GMEB1: variants seen among roughly 807,000 people sequenced by gnomAD.
GMEB1 encodes glucocorticoid modulatory element-binding protein 1.
Under a neutral mutation model 52.4 loss-of-function variants are expected in GMEB1, and 6 were observed. The observed-to-expected ratio is 0.11, with a 90% CI of 0.06 to 0.23. The LOEUF is 0.23. Among genes scored for constraint, GMEB1 ranks in the 10% least tolerant of loss-of-function variants. The probability of loss-of-function intolerance (pLI) is 1.00; values close to 1 mark genes in which losing one functional copy is unlikely to be tolerated. For missense variants in GMEB1, 486 were observed against 685.6 expected (o/e 0.71, Z 3.25); for synonymous variants, 255 against 244.9 (o/e 1.04, Z -0.38).
intron 1 of GMEB1, among the ~76,000 whole-genome samples, chr1:28,674,932 G>C (rs1163192448): frequency 4.9e-5 from 7 of 143,102 alleles, no homozygotes; most frequent in Non-Finnish European, 9.1e-5. Context: ...TTTTAGCCGG[G>C]ATGGTCTCGA....
intron 1 of GMEB1, among the ~76,000 whole-genome samples, chr1:28,669,061 G>A (rs1668747440): frequency 6.8e-6 from 1 of 146,718 alleles, no homozygotes; most frequent in Admixed American, 6.8e-5. Flanking sequence ...GCTGCCGCTG[G>A]GTCCGCCCGA....
At chr1:28,695,461 A>G (rs1670157139) in intron 5 of GMEB1, among the ~76,000 whole-genome samples, 1 of 150,476 alleles carries the variant, frequency 6.6e-6, no homozygotes, top group Non-Finnish European at 1.5e-5. Context: ...CAAACTCCCA[A>G]GCTTAGGTGA....
intron 1 of GMEB1, among the ~76,000 whole-genome samples, chr1:28,680,947 G>A (rs1302325674): frequency 1.3e-5 from 2 of 152,088 alleles, no homozygotes; most frequent in Non-Finnish European, 2.9e-5. Flanking sequence ...TGGAGGCTGA[G>A]GTGGGAGAAT....
At chr1:28,672,158 A>G (rs1668914775) in intron 1 of GMEB1, among the ~76,000 whole-genome samples, 1 of 151,070 alleles carries the variant, frequency 6.6e-6, no homozygotes, top group Non-Finnish European at 1.5e-5. Context: ...AATTTCAGAA[A>G]ATCTCGTACT....
At chr1:28,694,183 T>C (rs1670092111) in intron 5 of GMEB1, among the ~76,000 whole-genome samples, 1 of 151,748 alleles carries the variant, frequency 6.6e-6, no homozygotes, top group Admixed American at 6.6e-5. Flanking sequence ...GGTCTGTGTG[T>C]TGTAGGATTT....
chr1:28,670,389 G>A (rs1668830158), intron 1 of GMEB1, among the ~76,000 whole-genome samples: 2 of 151,894 alleles, frequency 1.3e-5, no homozygotes, highest in South Asian at 2.1e-4. Context: ...GTGCAATGGC[G>A]CGATCTCAGC....
rs538777712 is a variant in GMEB1 at position 28,684,344 on chromosome 1, A to G, written c.128+604A>G. On this transcript the variant is annotated intron_variant, in intron 2 of 9. Coordinates refer to ENST00000373816, the MANE Select transcript of GMEB1 (RefSeq NM_001319674.2). Reference sequence around the variant, plus strand: ...TTTGGGAGGCCGAGGCGCGTGGATCATGAGGTCAGGAGATCAAGACCATCC... The same window carrying G: ...TTTGGGAGGCCGAGGCGCGTGGATCGTGAGGTCAGGAGATCAAGACCATCC... Among the ~76,000 whole-genome samples, 63 of 152,128 alleles carry G rather than the reference A, an allele frequency of 4.1e-4. No individual in the cohort carries two copies. In the South Asian group the frequency reaches 0.012, roughly 30 times the overall value.
Position 28,687,366 on chromosome 1 carries a change from ACACAC to A in GMEB1, c.129-2737_129-2733del, listed in dbSNP as rs1557504102. On this transcript the variant is annotated intron_variant, in intron 2 of 9. Transcript: ENST00000373816. The stretch of plus-strand genomic sequence containing the variant: ...CACACACACACACACACACACACAC[ACACAC>A]ACACACACACACACACAAAAAAAGA... Among the ~76,000 whole-genome samples, 23 of 62,472 alleles carry A rather than the reference ACACAC, an allele frequency of 3.7e-4. 1 individual carries two copies. Among genetic ancestry groups the A allele is most frequent in the African/African-American group, 1.1e-3 (19 of 17,028 alleles). The allele number at this position is 62,472 out of a possible 152,430, so 41.0% of individuals were successfully genotyped here. A position where few individuals can be genotyped will look rare whatever the true frequency, so the allele number is the denominator to read the frequency against.
At position 28,714,561 on chromosome 1, in the gene GMEB1, C is replaced by T. The variant is rs1221772553; in HGVS notation, c.1480C>T (p.Leu494=). 1 of 1,614,066 alleles carries T rather than the reference C, an allele frequency of 6.2e-7. No homozygotes were observed. The highest frequency in any genetic ancestry group is 8.5e-7 in the Non-Finnish European group (1 of 1,180,038). ...GGAATTGGTGGCCATGGAGTCCGGC[C>T]TAACCTCGGCAATTCAGGCTGTTGA... ...PVELVAMESG[L]TSAIQAVEST... The change falls in exon 10 of 10, where the codon CTA becomes TTA. Residue 494 remains leucine (L), a synonymous_variant. Coordinates refer to ENST00000373816, the MANE Select transcript of GMEB1 (RefSeq NM_001319674.2).
chr1:28,710,589 A>G lies in GMEB1; in HGVS notation c.938A>G (p.Asn313Ser). 1 of 1,610,636 alleles carries G rather than the reference A, an allele frequency of 6.2e-7. No individual in the cohort carries two copies. The highest frequency in any genetic ancestry group is 8.5e-7 in the Non-Finnish European group (1 of 1,177,858). Reference sequence around the variant, plus strand: ...GACACAGTCAAGAAGGTTTTAGACAACAGAAGGAACCAAGTAGAGCAGGGA... The same window carrying G: ...GACACAGTCAAGAAGGTTTTAGACAGCAGAAGGAACCAAGTAGAGCAGGGA... Reference protein sequence around the residue: ...LMDTVKKVLDNRRNQVEQGEE... With the variant: ...LMDTVKKVLDSRRNQVEQGEE... Residue 313 changes from asparagine to serine, a missense_variant, in exon 9 of 10, where the codon AAC becomes AGC. Transcript: ENST00000373816.
intron 8 of GMEB1, among the ~76,000 whole-genome samples, chr1:28,707,678 C>G (rs943118397): frequency 2.0e-5 from 3 of 152,046 alleles, no homozygotes; most frequent in Admixed American, 2.0e-4. Context: ...AGTTTTACCT[C>G]TTAAATTGAG....
In GMEB1 at chr1:28,714,600, G is replaced by C; in HGVS notation, c.1519G>C (p.Asp507His). The C allele has an allele frequency of 1.2e-6, 2 of 1,614,162 alleles. No homozygotes were observed. Among genetic ancestry groups the C allele is most frequent in the East Asian group, 4.5e-5 (2 of 44,886 alleles). The change falls in exon 10 of 10, where the codon GAT becomes CAT. Residue 507 changes from aspartate to histidine, a missense_variant. Asp to His is a moderately conservative substitution (Grantham distance 81). Coordinates refer to ENST00000373816, the MANE Select transcript of GMEB1 (RefSeq NM_001319674.2). ...TCAGGCTGTTGAAAGCACCTCAGAG[G>C]ATGGGCAGACCATCATTGAGATTGA... Reference protein sequence around the residue: ...AIQAVESTSEDGQTIIEIDPA... With the variant: ...AIQAVESTSEHGQTIIEIDPA...
chr1:28,707,780 A>G (rs923307554), intron 8 of GMEB1, among the ~76,000 whole-genome samples: 4 of 152,190 alleles, frequency 2.6e-5, no homozygotes, highest in African/African-American at 9.6e-5. Context: ...GGAGATGTAC[A>G]TGTGGGAGTG....
intron 1 of GMEB1, among the ~76,000 whole-genome samples, chr1:28,671,469 C>T (rs905767409): frequency 2.0e-5 from 3 of 152,152 alleles, no homozygotes; most frequent in Non-Finnish European, 4.4e-5. Context: ...AATGCCAGCA[C>T]TGTGGGAGGC....
At chr1:28,683,846 T>C (rs999375633) in intron 2 of GMEB1, 106 bp downstream of exon 2, 1 of 1,074,422 alleles carries the variant, frequency 9.3e-7, no homozygotes, top group Admixed American at 2.4e-5. Flanking sequence ...TTAACATCAA[T>C]CAGAGCTGGC....
At chr1:28,706,343 G>A (rs973666969) in intron 8 of GMEB1, among the ~76,000 whole-genome samples, 27 of 151,968 alleles carry the variant, frequency 1.8e-4, no homozygotes, top group East Asian at 2.0e-4. Context: ...TGTGGCTCAC[G>A]CCTGTAATCC....
chr1:28,685,668 A>T (rs1028121445), intron 2 of GMEB1, among the ~76,000 whole-genome samples: 2 of 152,174 alleles, frequency 1.3e-5, no homozygotes, highest in Non-Finnish European at 2.9e-5. Context: ...CTGATAAAAA[A>T]TCTTGTTTAC....
intron 1 of GMEB1, among the ~76,000 whole-genome samples, chr1:28,676,118 A>G (rs1669141591): frequency 6.6e-6 from 1 of 152,194 alleles, no homozygotes; most frequent in Non-Finnish European, 1.5e-5. Flanking sequence ...GTGGGTAAAG[A>G]GTAAAATGTG....
At chr1:28,707,084 G>A (rs536818053) in intron 8 of GMEB1, among the ~76,000 whole-genome samples, 42 of 145,332 alleles carry the variant, frequency 2.9e-4, no homozygotes, top group African/African-American at 7.9e-4. Context: ...CCAGGTTCAC[G>A]GCATTCTCCT....
Sources: allele counts gnomAD v4.1 joint callset (sites outside exome capture counted in the v4.1 genomes callset), GRCh38; gene constraint gnomAD v4.1.1; transcripts MANE v1.5; gene names NCBI Gene and HGNC (gene_info 2026-07-23, HGNC 2026-07-21).